The following RARS2 variants were observed in gnomAD, a reference collection of about 807,000 sequenced individuals.
The protein encoded by RARS2 is arginyl-tRNA synthetase 2, mitochondrial, also known as probable arginine--tRNA ligase, mitochondrial.
A neutral mutation model predicts 88.5 loss-of-function variants in RARS2; 67 were observed. The ratio of observed to expected loss-of-function variants is 0.76; its 90% confidence interval spans 0.62 to 0.93. The LOEUF is 0.93. RARS2 is among the 40% of genes least tolerant of loss of function. The pLI, the probability that RARS2 is intolerant of heterozygous loss-of-function variation, is 0.00. For synonymous variants in RARS2, 239 were observed against 230.3 expected (o/e 1.04, Z -0.34); for missense variants, 664 against 684.2 (o/e 0.97, Z 0.33).
intron 9 of RARS2, 120 bp from the exon 10 acceptor site, chr6:87,529,768 A>T: frequency 1.4e-6 from 1 of 723,550 alleles, no homozygotes; most frequent in Non-Finnish European, 2.5e-6. Context: ...TAAAAATTAA[A>T]TCAAGGGCTG....
Position 87,521,446 on chromosome 6 carries a change from T to A in RARS2, c.1035+18A>T. On this transcript the variant is annotated intron_variant, in intron 12 of 19. Coordinates refer to ENST00000369536, the MANE Select transcript of RARS2 (RefSeq NM_020320.5). ...TTCATGAGTTAAGAGATCATAACTT[T>A]TTGTTCTGATTACTTACCACATATA... 6.4e-7 allele frequency: 1 copy of A among 1,561,480 alleles called. No homozygotes were observed. Among genetic ancestry groups the A allele is most frequent in the African/African-American group, 1.4e-5 (1 of 73,902 alleles).
At chr6:87,575,474 T>C (rs919064655) in intron 1 of RARS2, among the ~76,000 whole-genome samples, 1 of 152,134 alleles carries the variant, frequency 6.6e-6, no homozygotes, top group Non-Finnish European at 1.5e-5. Context: ...ATACATAGTG[T>C]CTACCAGAAT....
intron 2 of RARS2, among the ~76,000 whole-genome samples, chr6:87,566,407 T>C (rs1166796309): frequency 6.6e-6 from 1 of 152,236 alleles, no homozygotes; most frequent in African/African-American, 2.4e-5. Flanking sequence ...GGCTTTTATC[T>C]TTTCTTATTC....
intron 10 of RARS2, among the ~76,000 whole-genome samples, chr6:87,527,261 A>C (rs1758583912): frequency 6.6e-6 from 1 of 152,136 alleles, no homozygotes; most frequent in Non-Finnish European, 1.5e-5. Flanking sequence ...CTGAGCCAAG[A>C]TCATGCCACT....
chr6:87,521,758 TATAA>T (rs1305785726), intron 11 of RARS2, among the ~76,000 whole-genome samples: 2 of 152,098 alleles, frequency 1.3e-5, no homozygotes, highest in Non-Finnish European at 2.9e-5. Flanking sequence ...CTAAAATAAA[TATAA>T]ATAAATAAAA....
chr6:87,517,877 TA>T (rs1772343819), intron 17 of RARS2, among the ~76,000 whole-genome samples: 1 of 152,066 alleles, frequency 6.6e-6, no homozygotes, highest in Non-Finnish European at 1.5e-5. Flanking sequence ...AAACTAAAAC[TA>T]AAAAAGGTTA....
At chr6:87,529,431 A>G (rs1582386722) in intron 10 of RARS2, 111 bp downstream of exon 10, 2 of 783,360 alleles carry the variant, frequency 2.6e-6, no homozygotes, top group Admixed American at 4.0e-5. Flanking sequence ...AGCACTATAA[A>G]AAATCCCAAG....
chr6:87,562,905 A>G, intron 3 of RARS2, 120 bp from the exon 4 acceptor site: 3 of 751,292 alleles, frequency 4.0e-6, no homozygotes, highest in Non-Finnish European at 7.2e-6. Flanking sequence ...TGGTCCCTAT[A>G]TCGGGTCCCA....
chr6:87,589,873 G>C (rs747396334), intron 1 of RARS2, 49 bp downstream of exon 1: 3 of 1,614,144 alleles, frequency 1.9e-6, no homozygotes, highest in East Asian at 4.5e-5. Context: ...AAAGGCCTTT[G>C]GGGTCCCTAG....
chr6:87,541,936 A>C lies in RARS2; in HGVS notation c.594T>G (p.Pro198=). ...AACTTACTTCAAAGAGATGCTGTAG[A>C]GGATTGGACTGCAGTTTTTCCTCAT... is the stretch of plus-strand genomic sequence containing the variant. ...FGYEEKLQSN[P]LQHLFEVYVQ... The change falls in exon 8 of 20, where the codon CCT becomes CCG. Residue 198 remains proline (P), a synonymous_variant. Coordinates refer to ENST00000369536, the MANE Select transcript of RARS2 (RefSeq NM_020320.5). 1 of 1,613,360 alleles carries C rather than the reference A, an allele frequency of 6.2e-7. No homozygotes were observed. The highest frequency in any genetic ancestry group is 8.5e-7 in the Non-Finnish European group (1 of 1,179,382).
intron 18 of RARS2, among the ~76,000 whole-genome samples, chr6:87,516,476 A>G (rs957817880): frequency 2.0e-5 from 3 of 152,134 alleles, no homozygotes; most frequent in African/African-American, 4.8e-5. Flanking sequence ...CTTCTGATTA[A>G]TATCTCCTTT....
intron 5 of RARS2, among the ~76,000 whole-genome samples, chr6:87,550,470 AAGT>A (rs1458059964): frequency 2.6e-5 from 4 of 152,132 alleles, no homozygotes; most frequent in Non-Finnish European, 5.9e-5. Context: ...AAACTAGAAA[AAGT>A]AGAGCAAACT....
At chr6:87,544,830 A>C (rs1782116969) in intron 7 of RARS2, among the ~76,000 whole-genome samples, 1 of 151,788 alleles carries the variant, frequency 6.6e-6, no homozygotes, top group Non-Finnish European at 1.5e-5. Context: ...ACCCACTCCT[A>C]CCTCTCACTG....
At chr6:87,587,096 G>A (rs1775401071) in intron 1 of RARS2, among the ~76,000 whole-genome samples, 1 of 151,932 alleles carries the variant, frequency 6.6e-6, no homozygotes. Context: ...AGTTTCCCAG[G>A]CTGGTCTTGA....
At chr6:87,576,955 G>C (rs1197474696) in intron 1 of RARS2, among the ~76,000 whole-genome samples, 1 of 152,170 alleles carries the variant, frequency 6.6e-6, no homozygotes, top group Non-Finnish European at 1.5e-5. Flanking sequence ...ATTTAACGGT[G>C]ATATTATATA....
At chr6:87,541,806 A>G in intron 8 of RARS2, 112 bp downstream of exon 8, 1 of 806,330 alleles carries the variant, frequency 1.2e-6, no homozygotes, top group Non-Finnish European at 2.0e-6. Flanking sequence ...CCTGGGCAAC[A>G]GAGCGAGACC....
Position 87,562,775 on chromosome 6 carries a change from T to A in RARS2, c.224A>T (p.Asp75Val). ...AGTACTGATTTCACTCACCACTGTA[T>A]CACATCTTAGCTGAAAAGAACAAAT... ...AKRLAEKLRC[D>V]TVVSEISTGQ... Residue 75 changes from aspartate (D) to valine (V), a missense_variant, in exon 4 of 20, where the codon GAT (aspartate) becomes GTT (valine). Transcript: ENST00000369536. 6.2e-7 allele frequency: 1 copy of A among 1,613,006 alleles called. No individual in the cohort carries two copies. Among genetic ancestry groups the A allele is most frequent in the Non-Finnish European group, 8.5e-7 (1 of 1,179,008 alleles).
At chr6:87,519,858 A>C in intron 13 of RARS2, 151 bp from the exon 14 acceptor site, 1 of 933,082 alleles carries the variant, frequency 1.1e-6, no homozygotes, top group Non-Finnish European at 1.7e-6. Flanking sequence ...TGTATGCTAC[A>C]AAGGACGTTA....
chr6:87,546,840 T>C (rs1055701616), intron 6 of RARS2, among the ~76,000 whole-genome samples: 5 of 152,242 alleles, frequency 3.3e-5, no homozygotes, highest in African/African-American at 1.2e-4. Context: ...TCCCTAGTTG[T>C]AGACTTTCCC....
Sources: gnomAD v4.1 joint callset for allele counts (sites outside exome capture counted in the v4.1 genomes callset) on GRCh38, gnomAD v4.1.1 for gene constraint, MANE v1.5 for transcripts, NCBI Gene and HGNC (gene_info 2026-07-23, HGNC 2026-07-21) for gene names.